FRMD6: variants seen among roughly 807,000 people sequenced by gnomAD.
The protein encoded by FRMD6 is FERM domain containing 6.
Under a neutral mutation model 73.2 loss-of-function variants are expected in FRMD6, and 37 were observed. That is an observed-to-expected ratio of 0.51 (90% CI 0.39 to 0.66). FRMD6 has a LOEUF of 0.66. Ranked by LOEUF, FRMD6 falls within the 30% of genes least tolerant of loss-of-function variation. The pLI, the probability that FRMD6 is intolerant of heterozygous loss-of-function variation, is 0.00. For missense variants in FRMD6, 714 were observed against 780.5 expected, an observed-to-expected ratio of 0.91 and a Z score of 1.02; for synonymous variants, 273 against 282.2, an observed-to-expected ratio of 0.97 and a Z score of 0.33.
intron 2 of FRMD6, among the ~76,000 whole-genome samples, chr14:51,598,492 A>G (rs149222874): frequency 2.0e-5 from 3 of 152,312 alleles, no homozygotes; most frequent in African/African-American, 4.8e-5. Flanking sequence ...GGTTTGAGAT[A>G]TGAATGATCC....
chr14:51,506,395 G>A (rs1368489848), intron 1 of FRMD6, among the ~76,000 whole-genome samples: 1 of 152,224 alleles, frequency 6.6e-6, no homozygotes, highest in African/African-American at 2.4e-5. Flanking sequence ...ACTATTAAAT[G>A]AAGAGGATAC....
intron 2 of FRMD6, among the ~76,000 whole-genome samples, chr14:51,594,260 G>T (rs1889574381): frequency 6.6e-6 from 1 of 152,082 alleles, no homozygotes; most frequent in African/African-American, 2.4e-5. Flanking sequence ...AAGTAACTGG[G>T]ATTACAGGTG....
intron 1 of FRMD6, among the ~76,000 whole-genome samples, chr14:51,668,929 A>C (rs1335891350): frequency 6.6e-6 from 1 of 152,132 alleles, no homozygotes; most frequent in Non-Finnish European, 1.5e-5. Context: ...TCAGCCTCCC[A>C]AAGTGCTGGG....
At chr14:51,577,073 C>A (rs1888445090) in intron 2 of FRMD6, among the ~76,000 whole-genome samples, 1 of 152,098 alleles carries the variant, frequency 6.6e-6, no homozygotes, top group Admixed American at 6.6e-5. Context: ...GTTTGTGTAA[C>A]CTCTGGTGAA....
the FRMD6 span, among the ~76,000 whole-genome samples, chr14:51,474,095 A>G: frequency 6.6e-6 from 1 of 152,350 alleles, no homozygotes; most frequent in South Asian, 2.1e-4. Context: ...AAAAATAGAT[A>G]AGCAGGGGTT....
At chr14:51,561,328 C>T (rs1008166420) in intron 1 of FRMD6, among the ~76,000 whole-genome samples, 34 of 152,176 alleles carry the variant, frequency 2.2e-4, no homozygotes, top group African/African-American at 8.2e-4. Flanking sequence ...CATTTTTAAT[C>T]ACTGAGGGCT....
At chr14:51,688,515 A>G (rs1275802927) in intron 1 of FRMD6, among the ~76,000 whole-genome samples, 2 of 152,098 alleles carry the variant, frequency 1.3e-5, no homozygotes, top group African/African-American at 2.4e-5. Flanking sequence ...CCAAGATTCT[A>G]TTTCATTTAT....
intron 1 of FRMD6, among the ~76,000 whole-genome samples, chr14:51,548,562 T>C (rs1886603060): frequency 1.3e-5 from 2 of 152,260 alleles, no homozygotes; most frequent in African/African-American, 4.8e-5. Flanking sequence ...AGCAATATTT[T>C]GTCTTTCTTG....
At chr14:51,584,020 G>T (rs1207860018) in intron 2 of FRMD6, 1 of 152,182 alleles carries the variant, frequency 6.6e-6, no homozygotes, top group Non-Finnish European at 1.5e-5. Flanking sequence ...CCATAGGCAG[G>T]TATACAAGCA....
chr14:51,531,793 G>T (rs1421125694), intron 1 of FRMD6, among the ~76,000 whole-genome samples: 1 of 152,162 alleles, frequency 6.6e-6, no homozygotes, highest in Non-Finnish European at 1.5e-5. Flanking sequence ...AAATGAAAAT[G>T]CCAATCAATA....
intron 1 of FRMD6, among the ~76,000 whole-genome samples, chr14:51,670,492 T>G (rs1893927761): frequency 6.6e-6 from 1 of 152,304 alleles, no homozygotes. Flanking sequence ...TTAACTAGCC[T>G]TGGATTTCTT....
chr14:51,653,812 G>A (rs1174993728), intron 1 of FRMD6, among the ~76,000 whole-genome samples: 1 of 152,178 alleles, frequency 6.6e-6, no homozygotes, highest in African/African-American at 2.4e-5. Flanking sequence ...ACTTTTCCCA[G>A]TATGTTTGTA....
At chr14:51,425,005 A>G in the FRMD6 span, among the ~76,000 whole-genome samples, 2 of 152,318 alleles carry the variant, frequency 1.3e-5, no homozygotes, top group Admixed American at 1.3e-4. Context: ...CATACAAAAC[A>G]GCTGAGACAG....
the FRMD6 span, among the ~76,000 whole-genome samples, chr14:51,451,493 C>T: frequency 1.8e-4 from 28 of 152,306 alleles, no homozygotes; most frequent in Admixed American, 1.6e-3. Flanking sequence ...CCTGCCTCAA[C>T]CTCGCAAGCA....
At chr14:51,438,219 A>C in the FRMD6 span, among the ~76,000 whole-genome samples, 6 of 152,200 alleles carry the variant, frequency 3.9e-5, no homozygotes, top group African/African-American at 1.4e-4. Context: ...TGACACTTTT[A>C]AAATAAATTC....
chr14:51,711,697 C>A, intron 8 of FRMD6, 101 bp downstream of exon 8: 1 of 797,860 alleles, frequency 1.3e-6, no homozygotes, highest in South Asian at 1.6e-5. Flanking sequence ...TTTTTGGCCA[C>A]TGGCTGGTCA....
At chr14:51,575,264 T>A (rs1437839024) in intron 2 of FRMD6, among the ~76,000 whole-genome samples, 9 of 152,240 alleles carry the variant, frequency 5.9e-5, no homozygotes, top group African/African-American at 1.7e-4. Flanking sequence ...GCAGTCTGAA[T>A]TAAAAACTGG....
rs193064274 is a variant in FRMD6, at chr14:51,597,643, A to G, written c.-147+27233A>G. Among the ~76,000 whole-genome samples the G allele has an allele frequency of 3.3e-5, 5 of 152,374 alleles. No homozygotes were observed. The East Asian group carries it at 7.7e-4, about 23-fold the overall frequency. ...TCTGTAAGTGGGGATAATGGTGCCT[A>G]CTTGATAGGGCTGTGTGATGAATGA... On this transcript the variant is annotated intron_variant, in intron 2 of 14. Coordinates refer to the FRMD6 transcript ENST00000356218.
intron 1 of FRMD6, among the ~76,000 whole-genome samples, chr14:51,680,069 C>T (rs1178769898): frequency 6.6e-6 from 1 of 152,176 alleles, no homozygotes. Flanking sequence ...CTTTGAAAAA[C>T]AGTCCGTGGT....
Sources: allele counts gnomAD v4.1 joint callset (sites outside exome capture counted in the v4.1 genomes callset), GRCh38; gene constraint gnomAD v4.1.1; transcripts MANE v1.5; gene names NCBI Gene and HGNC (gene_info 2026-07-23, HGNC 2026-07-21).